The following PATL2 variants were observed in gnomAD, a reference collection of about 807,000 sequenced individuals.
The protein encoded by PATL2 is PAT1 homolog 2.
Under a neutral mutation model 77.0 loss-of-function variants are expected in PATL2, and 73 were observed. The ratio of observed to expected loss-of-function variants is 0.95; its 90% CI spans 0.78 to 1.15. The LOEUF (loss-of-function observed/expected upper bound fraction) is 1.15. Among genes scored for constraint, PATL2 ranks in the 50% most tolerant of loss-of-function variants. PATL2 has a pLI of 0.00. For synonymous variants in PATL2, 265 were observed against 257.1 expected (o/e 1.03, Z -0.29); for missense variants, 618 against 655.4 (o/e 0.94, Z 0.62).
chr15:44,678,647 T>G (rs1358323012), intron 3 of PATL2, among the ~76,000 whole-genome samples: 3 of 152,098 alleles, frequency 2.0e-5, no homozygotes, highest in African/African-American at 7.2e-5. Context: ...CACAGGATTG[T>G]TGGGTCAGAT....
chr15:44,666,328 C>T lies in PATL2; in HGVS notation c.1613+64G>A. ...AATTTAGAAGAAGGAAGTAGTGAAG[C>T]AAGTAACAGAACATAGATTGGGCTT... On this transcript the variant is annotated intron_variant, in intron 17 of 17. Coordinates refer to ENST00000682850, the MANE Select transcript of PATL2 (RefSeq NM_001387263.1). 2.6e-6 allele frequency: 4 copies of T among 1,528,016 alleles called. No homozygotes were observed. The South Asian group carries it at 4.8e-5, about 18-fold the overall frequency. 94.7% of individuals were successfully genotyped at this position (1,528,016 alleles called of 1,614,324 possible). A position where few individuals can be genotyped will look rare whatever the true frequency, so the allele number is the denominator to read the frequency against.
chr15:44,711,191 G>A lies in PATL2; in HGVS notation c.-425C>T, dbSNP rs750857462. 9.2e-5 allele frequency: 43 copies of A among 467,102 alleles called. No homozygotes were observed. The highest frequency in any genetic ancestry group is 1.5e-4 in the Non-Finnish European group (38 of 252,662). 28.9% of individuals were successfully genotyped at this position (467,102 alleles called of 1,614,324 possible). On this transcript the variant is annotated 5_prime_UTR_variant, in exon 1 of 18. Transcript: ENST00000682850. ...TGGGGCACCATTAGCAAGTCACTTAGCATCTCTGGGGCCAGTCTGCAAAGC... is the reference window on the plus strand; with the variant it reads ...TGGGGCACCATTAGCAAGTCACTTAACATCTCTGGGGCCAGTCTGCAAAGC...
chr15:44,674,603 T>G (rs753668506), intron 5 of PATL2, among the ~76,000 whole-genome samples: 8 of 152,182 alleles, frequency 5.3e-5, no homozygotes, highest in Non-Finnish European at 8.8e-5. Flanking sequence ...GGTCTTGCTC[T>G]GTCACCCAGG....
chr15:44,669,997 A>C lies in PATL2; in HGVS notation c.748T>G (p.Tyr250Asp), dbSNP rs765299886. ...TCATAAGCCTCTGCCTTCGGAATGT[A>C]AGGCGTTACCAGCTTGAGGGACTCA... ...RVESLKLVTP[Y>D]IPKAEAYESV... Residue 250 changes from tyrosine (Y) to aspartate (D), a missense_variant, in exon 10 of 18, where the codon TAC becomes GAC. Tyr to Asp is a radical substitution (Grantham distance 160). Transcript: ENST00000682850. The C allele has an allele frequency of 6.5e-7, 1 of 1,549,554 alleles. No individual in the cohort carries two copies. The highest frequency in any genetic ancestry group is 1.4e-5 in the African/African-American group (1 of 72,894).
At chr15:44,709,487 G>T (rs1377201098) in intron 3 of PATL2, among the ~76,000 whole-genome samples, 1 of 151,856 alleles carries the variant, frequency 6.6e-6, no homozygotes, top group Admixed American at 6.6e-5. Context: ...TTCGAGACCA[G>T]CCTGGGCAAC....
At chr15:44,685,375 A>C (rs139957021) in intron 3 of PATL2, among the ~76,000 whole-genome samples, 1 of 152,164 alleles carries the variant, frequency 6.6e-6, no homozygotes, top group South Asian at 2.1e-4. Flanking sequence ...TTGGGAGGCC[A>C]AGGCGGGTGG....
chr15:44,667,316 C>G, intron 15 of PATL2, 113 bp from the exon 16 acceptor site: 1 of 756,008 alleles, frequency 1.3e-6, no homozygotes, highest in South Asian at 1.7e-5. Context: ...AGAGATAGAG[C>G]TCAAAATATC....
chr15:44,675,917 C>T (rs559033726), intron 4 of PATL2: 22 of 523,306 alleles, frequency 4.2e-5, no homozygotes, highest in Admixed American at 1.1e-4. Context: ...TGTGGTGGCT[C>T]GTGCCTGTAG....
rs1412262217 is a variant in PATL2, at chr15:44,667,180, G to A, written c.1389C>T (p.Ala463=). ...QNQFGISLLY[A]LLSHGEQLVS... is the part of the protein sequence containing the mutation. The stretch of plus-strand genomic sequence containing the variant: ...CCAGTTGCTCCCCATGGCTCAGCAG[G>A]GCATAGAGCAAAGATATTCCAAACT... Residue 463 remains alanine, a synonymous_variant, in exon 16 of 18, where the codon GCC becomes GCT. Coordinates refer to ENST00000682850, the MANE Select transcript of PATL2 (RefSeq NM_001387263.1). The A allele has an allele frequency of 1.3e-6, 2 of 1,551,408 alleles. No homozygotes were observed. Among genetic ancestry groups the A allele is most frequent in the Non-Finnish European group, 1.7e-6 (2 of 1,146,924 alleles).
chr15:44,683,557 A>G (rs959030843), intron 3 of PATL2, among the ~76,000 whole-genome samples: 11 of 152,228 alleles, frequency 7.2e-5, no homozygotes, highest in Non-Finnish European at 7.4e-5. Flanking sequence ...CTCTCTGGGC[A>G]GGGTATCTCT....
At chr15:44,705,248 T>C (rs2086709675) in intron 3 of PATL2, among the ~76,000 whole-genome samples, 1 of 152,126 alleles carries the variant, frequency 6.6e-6, no homozygotes, top group South Asian at 2.1e-4. Flanking sequence ...AGTGCTGTGA[T>C]CTTGGTTCAC....
intron 14 of PATL2, 51 bp from the exon 15 acceptor site, chr15:44,668,533 C>A (rs1442368112): frequency 1.0e-5 from 16 of 1,533,840 alleles, no homozygotes; most frequent in Non-Finnish European, 1.4e-5. Flanking sequence ...ACTTCACCTC[C>A]CCTTACCTTG....
Position 44,667,209 on chromosome 15 carries a change from A to C in PATL2, c.1366-6T>G. The stretch of plus-strand genomic sequence containing the variant: ...TAGAGCAAAGATATTCCAAACTGCA[A>C]GGGACATATATATATTCCAGAGCAA... On this transcript the variant is annotated splice_region_variant and splice_polypyrimidine_tract_variant and intron_variant, in intron 15 of 17. Coordinates refer to ENST00000682850, the MANE Select transcript of PATL2 (RefSeq NM_001387263.1). The C allele has an allele frequency of 6.5e-7, 1 of 1,547,608 alleles. No homozygotes were observed. Among genetic ancestry groups the C allele is most frequent in the Non-Finnish European group, 8.7e-7 (1 of 1,143,486 alleles).
At position 44,672,026 on chromosome 15, in the gene PATL2, A is replaced by G. The variant is rs2085707640; in HGVS notation, c.646T>C (p.Tyr216His). ...LQSAKPRLDD[Y>H]YYQEYYQKLE... ...ACTGCGGGGCTCACCTGGTAATAGT[A>G]GTCATCCAGGCGGGGTTTTGCACTC... Residue 216 changes from tyrosine to histidine, a missense_variant, in exon 9 of 18, where the codon TAC becomes CAC. Tyr to His is a moderately conservative substitution (Grantham distance 83, BLOSUM62 2). Transcript: ENST00000682850. 1.3e-6 allele frequency: 2 copies of G among 1,551,700 alleles called. No homozygotes were observed. The highest frequency in any genetic ancestry group is 1.7e-6 in the Non-Finnish European group (2 of 1,146,978).
At position 44,708,337 on chromosome 15, in the gene PATL2, T is replaced by G. The variant is rs151245615; in HGVS notation, c.-76+1759A>C. ...CTCCACCTCCCCTAGCTATGTCCTT[T>G]TAAATATTTATAATCGACATACAAT... On this transcript the variant is annotated intron_variant, in intron 3 of 17. Transcript: ENST00000682850. Among the ~76,000 whole-genome samples, 335 of 152,358 alleles carry G rather than the reference T, an allele frequency of 2.2e-3. 2 individuals carry two copies. Among genetic ancestry groups the G allele is most frequent in the African/African-American group, 7.8e-3 (323 of 41,588 alleles).
At chr15:44,693,789 A>G (rs976274381) in intron 3 of PATL2, among the ~76,000 whole-genome samples, 2 of 151,702 alleles carry the variant, frequency 1.3e-5, no homozygotes, top group Non-Finnish European at 2.9e-5. Flanking sequence ...GCTCACTTCA[A>G]TCGCACTTCA....
chr15:44,699,526 G>C (rs2141260998), intron 3 of PATL2, among the ~76,000 whole-genome samples: 1 of 152,140 alleles, frequency 6.6e-6, no homozygotes, highest in South Asian at 2.1e-4. Context: ...TTTTAGTAGA[G>C]ACAGGGTTTT....
In PATL2 at chr15:44,710,896, A is replaced by G. The variant is rs1035620561; in HGVS notation, c.-220T>C. On this transcript the variant is annotated 5_prime_UTR_variant, in exon 2 of 18. Transcript: ENST00000682850. ...CTAAACAGCAAGGACATAGGGAGGA[A>G]CTTCTTGGCACAGAACTTTCCAAAC... The G allele has an allele frequency of 6.6e-5, 10 of 150,930 alleles. No individual in the cohort carries two copies. The highest frequency in any genetic ancestry group is 2.9e-5 in the Non-Finnish European group (2 of 68,308). The allele number at this position is 150,930 out of a possible 1,614,324, so 9.3% of individuals were successfully genotyped here. A position where few individuals can be genotyped will look rare whatever the true frequency, so the allele number is the denominator to read the frequency against.
intron 3 of PATL2, among the ~76,000 whole-genome samples, chr15:44,687,947 A>T (rs1276223555): frequency 6.6e-6 from 1 of 152,192 alleles, no homozygotes; most frequent in Non-Finnish European, 1.5e-5. Flanking sequence ...GGATAGGAAG[A>T]ATCAATATCG....
Sources: allele counts gnomAD v4.1 joint callset (sites outside exome capture counted in the v4.1 genomes callset), GRCh38; gene constraint gnomAD v4.1.1; transcripts MANE v1.5; gene names NCBI Gene and HGNC (gene_info 2026-07-23, HGNC 2026-07-21).